Variants in PEX14 observed in about 807,000 individuals in gnomAD.
PEX14 encodes the protein peroxisomal biogenesis factor 14.
A neutral mutation model predicts 49.5 loss-of-function variants in PEX14; 15 were observed. The observed-to-expected ratio is 0.30, with a 90% CI of 0.20 to 0.47. The LOEUF (loss-of-function observed/expected upper bound fraction) is 0.47. Ranked by LOEUF, PEX14 falls within the 20% of genes least tolerant of loss-of-function variation. The pLI is 1.00. For missense variants in PEX14, 398 were observed against 494.8 expected (o/e 0.80, Z 1.86); for synonymous variants, 210 against 212.7 (o/e 0.99, Z 0.11).
At chr1:10,616,373 A>G (rs934387805) in intron 4 of PEX14, among the ~76,000 whole-genome samples, 3 of 152,210 alleles carry the variant, frequency 2.0e-5, no homozygotes, top group African/African-American at 7.2e-5. Context: ...ACTTACAGGC[A>G]CAGGTGAGAA....
intron 3 of PEX14, among the ~76,000 whole-genome samples, chr1:10,578,060 G>T (rs911511904): frequency 3.0e-4 from 45 of 152,130 alleles, no homozygotes; most frequent in African/African-American, 1.1e-3. Context: ...TTGGTTTGAG[G>T]AATCAGGGGA....
chr1:10,483,757 A>G (rs922595330), intron 1 of PEX14, among the ~76,000 whole-genome samples: 1 of 89,390 alleles, frequency 1.1e-5, no homozygotes, highest in Non-Finnish European at 2.9e-5. Context: ...TGTAACCACT[A>G]CCACCCTAAA....
intron 4 of PEX14, among the ~76,000 whole-genome samples, chr1:10,612,072 A>G (rs1272692211): frequency 6.6e-6 from 1 of 152,172 alleles, no homozygotes. Context: ...CCAAGGTTGC[A>G]AAGATTTTCT....
chr1:10,486,667 C>T (rs1266740683), intron 1 of PEX14, among the ~76,000 whole-genome samples: 1 of 149,262 alleles, frequency 6.7e-6, no homozygotes, highest in East Asian at 2.0e-4. Flanking sequence ...TACAGGCTGG[C>T]TGAAAGATGG....
chr1:10,506,521 C>A (rs1302040371), intron 2 of PEX14, among the ~76,000 whole-genome samples: 2 of 152,228 alleles, frequency 1.3e-5, no homozygotes, highest in African/African-American at 4.8e-5. Context: ...AGGTGATCCG[C>A]CCGCCTCGGC....
At chr1:10,520,162 TG>T (rs367592032) in intron 2 of PEX14, among the ~76,000 whole-genome samples, 49,033 of 126,440 alleles carry the variant, frequency 0.39, 11,686 homozygotes, top group East Asian at 0.52. Context: ...TTTTTTTTTT[TG>T]TTTTTTTAAC....
At chr1:10,501,225 A>G (rs589400) in intron 2 of PEX14, among the ~76,000 whole-genome samples, 39,072 of 152,154 alleles carry the variant, frequency 0.26, 5,373 homozygotes, top group Admixed American at 0.33. Flanking sequence ...CTGCTCAGGA[A>G]TGTCTGTCGG....
chr1:10,523,129 C>CT (rs924861741), intron 2 of PEX14, among the ~76,000 whole-genome samples: 10 of 151,776 alleles, frequency 6.6e-5, no homozygotes, highest in South Asian at 2.1e-4. Context: ...TGCTGTTGGG[C>CT]TTTTTTTTGC....
intron 1 of PEX14, among the ~76,000 whole-genome samples, chr1:10,477,636 T>C (rs779964094): frequency 5.9e-5 from 9 of 152,216 alleles, no homozygotes; most frequent in Non-Finnish European, 1.3e-4. Context: ...CCTTGTCATA[T>C]CAATCTCTGG....
At chr1:10,622,929 A>C (rs1641634900) in intron 5 of PEX14, 90 bp from the exon 6 acceptor site, 5 of 872,466 alleles carry the variant, frequency 5.7e-6, no homozygotes, top group Non-Finnish European at 7.6e-6. Context: ...CAGGGATGAC[A>C]GGGAGAAAGT....
At chr1:10,562,052 T>A (rs1639666567) in intron 3 of PEX14, among the ~76,000 whole-genome samples, 1 of 152,050 alleles carries the variant, frequency 6.6e-6, no homozygotes, top group Non-Finnish European at 1.5e-5. Flanking sequence ...AATAATTTTT[T>A]ATTTTATTTT....
At chr1:10,627,506 C>A (rs1254408418) in intron 8 of PEX14, 143 bp downstream of exon 8, 2 of 674,924 alleles carry the variant, frequency 3.0e-6, no homozygotes, top group Non-Finnish European at 5.4e-6. Context: ...AGTCTGGGGC[C>A]TTTTGAGCTT....
intron 2 of PEX14, among the ~76,000 whole-genome samples, chr1:10,522,679 TC>T (rs1027709603): frequency 6.6e-6 from 1 of 152,216 alleles, no homozygotes; most frequent in African/African-American, 2.4e-5. Flanking sequence ...ATCTCTGGCT[TC>T]CTGCTTCTTA....
In PEX14 at chr1:10,596,693, T is replaced by C. The variant is rs1640842240; in HGVS notation, c.170-2545T>C. 2.0e-5 allele frequency among the ~76,000 whole-genome samples: 3 copies of C among 152,310 alleles called. No individual in the cohort carries two copies. The South Asian group carries it at 6.2e-4, about 32-fold the overall frequency. On this transcript the variant is annotated intron_variant, in intron 3 of 8. Transcript: ENST00000356607. ...CTCCTTGGGCCTCAGGTTTCTTATC[T>C]GTTAAATGAGGGCAGTGACTGGGAT...
At chr1:10,475,043 C>A (rs1248544404) in intron 1 of PEX14, 41 bp downstream of exon 1, 4 of 1,580,078 alleles carry the variant, frequency 2.5e-6, no homozygotes. Context: ...GCGGAGACCC[C>A]GGCTGGAGGG....
chr1:10,590,012 G>A (rs1308589677), intron 3 of PEX14, among the ~76,000 whole-genome samples: 4 of 152,116 alleles, frequency 2.6e-5, no homozygotes, highest in African/African-American at 4.8e-5. Context: ...TTCCACCCCC[G>A]CCCCATGCTG....
intron 1 of PEX14, among the ~76,000 whole-genome samples, chr1:10,487,161 T>C (rs1249071714): frequency 2.6e-5 from 4 of 152,190 alleles, no homozygotes; most frequent in Non-Finnish European, 5.9e-5. Flanking sequence ...TAAATTCTAC[T>C]CGATGTGTTA....
chr1:10,586,628 CTTTTTTTTTTT>C (rs35743829), intron 3 of PEX14, among the ~76,000 whole-genome samples: 23 of 93,042 alleles, frequency 2.5e-4, no homozygotes, highest in Admixed American at 2.8e-4. Flanking sequence ...AGCCGTTTAC[CTTTTTTTTTTT>C]TTTTTTTTTT....
chr1:10,507,313 G>A (rs765280797), intron 2 of PEX14, among the ~76,000 whole-genome samples: 5 of 152,268 alleles, frequency 3.3e-5, no homozygotes, highest in African/African-American at 7.2e-5. Flanking sequence ...ACTAGCGTGC[G>A]TGCGGGGCGC....
Sources: allele counts gnomAD v4.1 joint callset (sites outside exome capture counted in the v4.1 genomes callset), GRCh38; gene constraint gnomAD v4.1.1; transcripts MANE v1.5; gene names NCBI Gene and HGNC (gene_info 2026-07-23, HGNC 2026-07-21).